Variants in PRELID2 observed in about 807,000 individuals in gnomAD.
PRELID2 encodes PRELI domain-containing protein 2.
PRELID2 carries 25 observed loss-of-function variants against 28.4 expected under a neutral mutation model. That is an observed-to-expected ratio of 0.88 (90% CI 0.64 to 1.23). PRELID2 has a LOEUF of 1.23. PRELID2 is among the 50% of genes most tolerant of loss of function. The probability of loss-of-function intolerance (pLI) is 0.00; values close to 1 mark genes in which losing one functional copy is unlikely to be tolerated. For missense variants in PRELID2, 201 were observed against 214.4 expected, an observed-to-expected ratio of 0.94 and a Z score of 0.39; for synonymous variants, 76 against 71.6, an observed-to-expected ratio of 1.06 and a Z score of -0.31.
chr5:145,256,762 G>A, the PRELID2 span, among the ~76,000 whole-genome samples: 1 of 151,908 alleles, frequency 6.6e-6, no homozygotes, highest in Non-Finnish European at 1.5e-5. Context: ...TACATTACAT[G>A]TGTGGAAAAA....
the PRELID2 span, among the ~76,000 whole-genome samples, chr5:145,397,333 A>G: frequency 6.6e-6 from 1 of 152,136 alleles, no homozygotes; most frequent in Admixed American, 6.5e-5. Flanking sequence ...TCCCAGGGTA[A>G]CATATTTTGA....
At chr5:145,644,574 C>G (rs77766169) in intron 1 of PRELID2, among the ~76,000 whole-genome samples, 1 of 151,946 alleles carries the variant, frequency 6.6e-6, no homozygotes, top group Admixed American at 6.6e-5. Flanking sequence ...AATTTGTTTG[C>G]TCTTGCTTCT....
At chr5:145,829,924 C>T (rs554610895) in intron 1 of PRELID2, among the ~76,000 whole-genome samples, 1 of 152,270 alleles carries the variant, frequency 6.6e-6, no homozygotes, top group South Asian at 2.1e-4. Flanking sequence ...TAAGAGTAAA[C>T]ATTCAAACCA....
At chr5:145,541,438 G>GT (rs1752744367) in intron 1 of PRELID2, among the ~76,000 whole-genome samples, 1 of 152,028 alleles carries the variant, frequency 6.6e-6, no homozygotes, top group South Asian at 2.1e-4. Flanking sequence ...TAGTAAACTA[G>GT]TAAGTAGTAG....
chr5:145,407,983 G>C, the PRELID2 span, among the ~76,000 whole-genome samples: 5 of 152,150 alleles, frequency 3.3e-5, no homozygotes, highest in Admixed American at 3.3e-4. Flanking sequence ...GGACTCTGTA[G>C]ACATTCCCCA....
intron 5 of PRELID2, among the ~76,000 whole-genome samples, chr5:145,773,715 T>G (rs1445104906): frequency 2.0e-5 from 3 of 152,212 alleles, no homozygotes; most frequent in Non-Finnish European, 4.4e-5. Context: ...AGCAACAAGG[T>G]TCCTATTATT....
At chr5:145,400,185 A>G in the PRELID2 span, among the ~76,000 whole-genome samples, 1 of 152,128 alleles carries the variant, frequency 6.6e-6, no homozygotes, top group Admixed American at 6.6e-5. Flanking sequence ...ACATAGTTGT[A>G]TATTCTACAA....
intron 1 of PRELID2, among the ~76,000 whole-genome samples, chr5:145,731,902 C>T (rs1186454326): frequency 6.6e-6 from 1 of 152,142 alleles, no homozygotes; most frequent in African/African-American, 2.4e-5. Context: ...CTAGAGTACA[C>T]TTTTGTAGAC....
At chr5:145,370,925 GT>G in the PRELID2 span, among the ~76,000 whole-genome samples, 1 of 151,904 alleles carries the variant, frequency 6.6e-6, no homozygotes, top group Non-Finnish European at 1.5e-5. Flanking sequence ...CTTGTCTATT[GT>G]TGGTGTATAG....
the PRELID2 span, among the ~76,000 whole-genome samples, chr5:145,243,924 T>C: frequency 6.6e-6 from 1 of 152,160 alleles, no homozygotes; most frequent in East Asian, 1.9e-4. Context: ...AACTTTTACT[T>C]CCAAGTTTCT....
chr5:145,342,556 T>A, the PRELID2 span, among the ~76,000 whole-genome samples: 1 of 152,136 alleles, frequency 6.6e-6, no homozygotes, highest in African/African-American at 2.4e-5. Flanking sequence ...GTTGGATAAA[T>A]TTTTAAAAAC....
intron 1 of PRELID2, among the ~76,000 whole-genome samples, chr5:145,718,522 A>G (rs1483665653): frequency 6.6e-6 from 1 of 151,956 alleles, no homozygotes; most frequent in Non-Finnish European, 1.5e-5. Flanking sequence ...TCAAATTTCA[A>G]CTTGAATGCA....
At chr5:145,741,819 T>C (rs1561568651) in intron 1 of PRELID2, among the ~76,000 whole-genome samples, 2 of 57,920 alleles carry the variant, frequency 3.5e-5, no homozygotes, top group South Asian at 1.2e-3. Context: ...TTTATAAATA[T>C]ACAAATATTT....
chr5:145,483,763 G>C (rs10037053), intron 1 of PRELID2, among the ~76,000 whole-genome samples: 4,154 of 152,262 alleles, frequency 0.027, 159 homozygotes, highest in African/African-American at 0.088. Context: ...GAAAACCTAT[G>C]TCCTTACCTA....
chr5:145,810,437 C>A (rs1753849982), intron 4 of PRELID2, among the ~76,000 whole-genome samples: 1 of 152,160 alleles, frequency 6.6e-6, no homozygotes, highest in Non-Finnish European at 1.5e-5. Context: ...CTTGCATTGA[C>A]CCTGAATACT....
At chr5:145,741,182 T>C (rs1490341859) in intron 1 of PRELID2, among the ~76,000 whole-genome samples, 3 of 105,012 alleles carry the variant, frequency 2.9e-5, no homozygotes, top group African/African-American at 3.8e-5. Context: ...TTTATTTATA[T>C]ATAATATATA....
chr5:145,321,288 T>C, the PRELID2 span, among the ~76,000 whole-genome samples: 3 of 152,182 alleles, frequency 2.0e-5, no homozygotes, highest in Non-Finnish European at 2.9e-5. Context: ...TACCTATTAA[T>C]GAGAAAACAG....
intron 1 of PRELID2, among the ~76,000 whole-genome samples, chr5:145,725,491 G>A (rs1756121218): frequency 1.3e-5 from 2 of 152,134 alleles, no homozygotes; most frequent in Non-Finnish European, 2.9e-5. Context: ...AAAAGTCACT[G>A]GATATATTTA....
At chr5:145,675,295 C>T (rs1211288605) in intron 1 of PRELID2, among the ~76,000 whole-genome samples, 2 of 151,740 alleles carry the variant, frequency 1.3e-5, no homozygotes, top group Non-Finnish European at 2.9e-5. Context: ...TGAAAAGAGA[C>T]TTAATCTTAC....
Sources: gnomAD v4.1 joint callset for allele counts (sites outside exome capture counted in the v4.1 genomes callset) on GRCh38, gnomAD v4.1.1 for gene constraint, MANE v1.5 for transcripts, NCBI Gene and HGNC (gene_info 2026-07-23, HGNC 2026-07-21) for gene names.